Variants in LARGE1 observed in about 807,000 individuals in gnomAD.
LARGE1 encodes the protein xylosyl- and glucuronyltransferase LARGE1.
LARGE1 carries 43 observed loss-of-function variants against 87.6 expected under a neutral mutation model. The observed-to-expected ratio is 0.49, with a 90% CI of 0.38 to 0.63. The LOEUF (loss-of-function observed/expected upper bound fraction) is 0.63. LARGE1 is among the 30% of genes least tolerant of loss of function. The pLI is 0.00. For missense variants in LARGE1, 802 were observed against 1,000.2 expected (o/e 0.80, Z 2.67); for synonymous variants, 434 against 394.6 (o/e 1.10, Z -1.18).
chr22:33,809,569 C>A (rs1479004946), intron 1 of LARGE1, among the ~76,000 whole-genome samples: 1 of 152,148 alleles, frequency 6.6e-6, no homozygotes, highest in Admixed American at 6.5e-5. Context: ...ATGTCTAAAC[C>A]AGCACTTTCC....
Position 33,189,042 on chromosome 22 carries a change from G to C in LARGE1, c.1731-22210C>G, listed in dbSNP as rs569080187. Among the ~76,000 whole-genome samples, 34 of 151,374 alleles carry C rather than the reference G, an allele frequency of 2.2e-4. 2 individuals are homozygous for C. In the South Asian group the frequency reaches 6.9e-3, roughly 31 times the overall value. On this transcript the variant is annotated intron_variant, in intron 11 of 11. Coordinates refer to the LARGE1 transcript ENST00000608642. Reference sequence around the variant, plus strand: ...GGTGCCCAGTAAAGTTATGATCCCTGGGCAGAGCCAGAAAGACTAGGCAAT... The same window carrying C: ...GGTGCCCAGTAAAGTTATGATCCCTCGGCAGAGCCAGAAAGACTAGGCAAT...
At chr22:33,321,239 C>T (rs1412806734) in intron 10 of LARGE1, among the ~76,000 whole-genome samples, 1 of 152,226 alleles carries the variant, frequency 6.6e-6, no homozygotes, top group African/African-American at 2.4e-5. Flanking sequence ...AACACCTGGG[C>T]CCCTGAAGAC....
chr22:33,423,867 G>T (rs1327090906), intron 7 of LARGE1, among the ~76,000 whole-genome samples: 5 of 152,082 alleles, frequency 3.3e-5, no homozygotes, highest in Admixed American at 2.6e-4. Flanking sequence ...CTAATAAAAT[G>T]ATGAAAAGAA....
At chr22:33,545,052 AT>A (rs1483138977) in intron 6 of LARGE1, among the ~76,000 whole-genome samples, 3 of 152,208 alleles carry the variant, frequency 2.0e-5, no homozygotes, top group Non-Finnish European at 4.4e-5. Flanking sequence ...AACACAGTAT[AT>A]CATGAGGAAG....
intron 9 of LARGE1, among the ~76,000 whole-genome samples, chr22:33,366,570 C>A (rs947762834): frequency 1.1e-4 from 16 of 152,174 alleles, no homozygotes; most frequent in African/African-American, 3.9e-4. Context: ...TTATACATGG[C>A]TAGATTTGGT....
At chr22:33,574,898 A>G (rs1447678489) in intron 5 of LARGE1, among the ~76,000 whole-genome samples, 1 of 152,152 alleles carries the variant, frequency 6.6e-6, no homozygotes, top group Non-Finnish European at 1.5e-5. Context: ...GGGAAAAACA[A>G]AAGGGGTTTC....
intron 1 of LARGE1, among the ~76,000 whole-genome samples, chr22:33,846,847 C>T (rs9609879): frequency 0.17 from 26,189 of 152,132 alleles, 2,517 homozygotes; most frequent in Middle Eastern, 0.27. Context: ...TCTCAAAACC[C>T]TGTCTCCTGA....
At chr22:33,903,648 A>T (rs1396107053) in intron 1 of LARGE1, among the ~76,000 whole-genome samples, 2 of 152,046 alleles carry the variant, frequency 1.3e-5, no homozygotes, top group Non-Finnish European at 2.9e-5. Flanking sequence ...AACATGGTGA[A>T]ACCCTGTCTC....
chr22:33,413,023 A>G (rs915157593), intron 7 of LARGE1, among the ~76,000 whole-genome samples: 11 of 152,232 alleles, frequency 7.2e-5, no homozygotes, highest in South Asian at 4.1e-4. Context: ...ATTTAACAAT[A>G]GGCTTTCACT....
chr22:33,840,636 C>G (rs577513288), intron 1 of LARGE1, among the ~76,000 whole-genome samples: 1 of 151,930 alleles, frequency 6.6e-6, no homozygotes, highest in Non-Finnish European at 1.5e-5. Flanking sequence ...TAAGTACAGA[C>G]AGTCCCCGAT....
At chr22:33,549,548 AATTT>A (rs1325546836) in intron 6 of LARGE1, among the ~76,000 whole-genome samples, 1 of 152,200 alleles carries the variant, frequency 6.6e-6, no homozygotes, top group African/African-American at 2.4e-5. Flanking sequence ...GGAATGAATG[AATTT>A]ATTTATCTTC....
At chr22:33,731,226 A>G (rs2083457000) in intron 2 of LARGE1, among the ~76,000 whole-genome samples, 1 of 149,784 alleles carries the variant, frequency 6.7e-6, no homozygotes, top group African/African-American at 2.5e-5. Flanking sequence ...GATGGTCTCG[A>G]TCTCCTGAAC....
intron 6 of LARGE1, among the ~76,000 whole-genome samples, chr22:33,552,585 T>C (rs1255797344): frequency 6.6e-6 from 1 of 152,182 alleles, no homozygotes; most frequent in Non-Finnish European, 1.5e-5. Context: ...CAGCTCTTTC[T>C]CCTTTAGTCT....
At chr22:33,321,862 A>G (rs1260674580) in intron 10 of LARGE1, among the ~76,000 whole-genome samples, 1 of 152,218 alleles carries the variant, frequency 6.6e-6, no homozygotes, top group African/African-American at 2.4e-5. Context: ...TCAGTCGCCC[A>G]GGTTGGAGTA....
chr22:33,783,363 G>A lies in LARGE1; in HGVS notation c.-82-21805C>T, dbSNP rs138253157. 5.7e-3 allele frequency among the ~76,000 whole-genome samples: 868 copies of A among 152,236 alleles called. 10 individuals carry two copies. Among genetic ancestry groups the A allele is most frequent in the African/African-American group, 0.02 (820 of 41,536 alleles). On this transcript the variant is annotated intron_variant, in intron 1 of 14. Coordinates refer to ENST00000397394, the MANE Select transcript of LARGE1 (RefSeq NM_133642.5). ...GTGGATCACCTGAGGTCAGGAGTTC[G>A]AGAACAGCCTGGCCAACATGGCAAA... is the stretch of plus-strand genomic sequence containing the variant.
chr22:33,385,833 G>A (rs2065305463), intron 7 of LARGE1, among the ~76,000 whole-genome samples: 1 of 148,250 alleles, frequency 6.7e-6, no homozygotes, highest in Non-Finnish European at 1.5e-5. Flanking sequence ...TGGTCAGTGG[G>A]GAAGACTCAA....
At chr22:33,883,373 TC>T (rs2064753278) in intron 1 of LARGE1, among the ~76,000 whole-genome samples, 1 of 152,164 alleles carries the variant, frequency 6.6e-6, no homozygotes, top group African/African-American at 2.4e-5. Context: ...AGACTCAGAC[TC>T]ATATATTTCT....
chr22:33,436,397 G>C (rs926395851), intron 6 of LARGE1, among the ~76,000 whole-genome samples: 14 of 152,168 alleles, frequency 9.2e-5, no homozygotes, highest in African/African-American at 3.1e-4. Context: ...GGCCATTCTC[G>C]AACTCTGCCT....
intron 11 of LARGE1, among the ~76,000 whole-genome samples, chr22:33,239,945 A>C (rs1433110630): frequency 1.3e-5 from 2 of 152,110 alleles, no homozygotes; most frequent in Admixed American, 6.5e-5. Flanking sequence ...ATATCTCCTG[A>C]CGTGGGAGAA....
Sources: gnomAD v4.1 joint callset for allele counts (sites outside exome capture counted in the v4.1 genomes callset) on GRCh38, gnomAD v4.1.1 for gene constraint, MANE v1.5 for transcripts, NCBI Gene and HGNC (gene_info 2026-07-23, HGNC 2026-07-21) for gene names.